The following SGCD variants were observed in gnomAD, a reference collection of about 807,000 sequenced individuals.
SGCD encodes delta-sarcoglycan.
SGCD carries 18 observed loss-of-function variants against 36.6 expected under a neutral mutation model. The observed-to-expected ratio is 0.49, with a 90% CI of 0.34 to 0.73. The LOEUF is 0.73. SGCD is among the 30% of genes least tolerant of loss of function. The pLI is 0.01. For synonymous variants in SGCD, 133 were observed against 130.6 expected, an observed-to-expected ratio of 1.02 and a Z score of -0.12; for missense variants, 387 against 346.7, an observed-to-expected ratio of 1.12 and a Z score of -0.92.
intron 3 of SGCD, among the ~76,000 whole-genome samples, chr5:156,449,408 G>A (rs1753896137): frequency 6.6e-6 from 1 of 152,054 alleles, no homozygotes; most frequent in Non-Finnish European, 1.5e-5. Context: ...TTCACTGCCT[G>A]AGAAATTCAG....
At chr5:156,499,343 C>T (rs1756349877) in intron 3 of SGCD, among the ~76,000 whole-genome samples, 1 of 152,030 alleles carries the variant, frequency 6.6e-6, no homozygotes, top group South Asian at 2.1e-4. Context: ...TTTTCTCTTG[C>T]AATTAGATAT....
chr5:155,820,504 A>T, the SGCD span, among the ~76,000 whole-genome samples: 1 of 151,986 alleles, frequency 6.6e-6, no homozygotes, highest in Non-Finnish European at 1.5e-5. Context: ...TACTAAAAAT[A>T]AAAAAATAAA....
intron 3 of SGCD, among the ~76,000 whole-genome samples, chr5:156,383,422 C>T (rs1330920924): frequency 1.3e-5 from 2 of 151,944 alleles, no homozygotes; most frequent in African/African-American, 2.4e-5. Flanking sequence ...GAGAATCACT[C>T]GAACCCAGTA....
the SGCD span, among the ~76,000 whole-genome samples, chr5:155,766,951 A>G: frequency 5.9e-5 from 9 of 152,030 alleles, no homozygotes; most frequent in African/African-American, 1.7e-4. Flanking sequence ...AAAGTGACCA[A>G]CCATGCTCTC....
intron 3 of SGCD, among the ~76,000 whole-genome samples, chr5:156,146,616 C>T (rs2127613088): frequency 6.6e-6 from 1 of 152,186 alleles, no homozygotes; most frequent in Non-Finnish European, 1.5e-5. Flanking sequence ...CATAGAAGAA[C>T]AAAGTTTGGA....
intron 1 of SGCD, among the ~76,000 whole-genome samples, chr5:155,898,377 T>G (rs919257451): frequency 2.0e-5 from 3 of 152,224 alleles, no homozygotes; most frequent in Non-Finnish European, 2.9e-5. Context: ...CCAACAGACT[T>G]TTATTTTCTC....
At chr5:156,731,101 A>G (rs1454883036) in intron 7 of SGCD, among the ~76,000 whole-genome samples, 1 of 151,712 alleles carries the variant, frequency 6.6e-6, no homozygotes, top group East Asian at 1.9e-4. Flanking sequence ...GTTTTTTTGC[A>G]TCTGACAAAG....
At chr5:155,799,973 C>G in the SGCD span, among the ~76,000 whole-genome samples, 1 of 151,640 alleles carries the variant, frequency 6.6e-6, no homozygotes, top group South Asian at 2.1e-4. Flanking sequence ...CATGCAACAC[C>G]ATGCCCAGCT....
At chr5:156,176,816 T>C (rs987261193) in intron 3 of SGCD, among the ~76,000 whole-genome samples, 2 of 152,206 alleles carry the variant, frequency 1.3e-5, no homozygotes, top group Admixed American at 1.3e-4. Flanking sequence ...TCTTCCAATG[T>C]CTACTCCATT....
At chr5:156,438,535 C>T (rs542202854) in intron 3 of SGCD, among the ~76,000 whole-genome samples, 57 of 152,190 alleles carry the variant, frequency 3.7e-4, no homozygotes, top group South Asian at 3.7e-3. Flanking sequence ...AAAAGAAACT[C>T]CACTTCAACT....
At chr5:156,640,836 A>T (rs1421145013) in intron 6 of SGCD, among the ~76,000 whole-genome samples, 1 of 152,196 alleles carries the variant, frequency 6.6e-6, no homozygotes, top group African/African-American at 2.4e-5. Flanking sequence ...ATGACTACAG[A>T]TGTTTTGCAT....
In SGCD at chr5:156,320,978, G is replaced by A. The variant is rs192465740; in HGVS notation, c.-43-8556G>A. ...GAAATGAACTCTCAAATGAAAGGCT[G>A]GCATCGTGCTACTGCCCTAATCATC... On this transcript the variant is annotated intron_variant, in intron 3 of 9. Transcript: ENST00000517913. Among the ~76,000 whole-genome samples, 20 of 152,266 alleles carry A rather than the reference G, an allele frequency of 1.3e-4. No individual in the cohort carries two copies. In the East Asian group the frequency reaches 3.9e-3, roughly 29 times the overall value.
intron 1 of SGCD, among the ~76,000 whole-genome samples, chr5:155,985,270 C>T (rs1348337409): frequency 6.6e-6 from 1 of 152,154 alleles, no homozygotes; most frequent in African/African-American, 2.4e-5. Context: ...TCATCTGCTT[C>T]TAGGCCCATT....
At position 156,755,817 on chromosome 5, in the gene SGCD, G is replaced by A. The variant is rs1250192078; in HGVS notation, c.576-1764G>A. On this transcript the variant is annotated intron_variant, in intron 7 of 8. Transcript: ENST00000337851. The stretch of plus-strand genomic sequence containing the variant: ...GTACTCCAGGACTATTGCTTCTCTT[G>A]ATGATTTTAGTTGAGTCATTGTAGG... Among the ~76,000 whole-genome samples the A allele has an allele frequency of 2.6e-5, 4 of 152,162 alleles. No homozygotes were observed. In the East Asian group the frequency reaches 7.7e-4, roughly 29 times the overall value.
chr5:155,791,979 G>T, the SGCD span, among the ~76,000 whole-genome samples: 3 of 152,066 alleles, frequency 2.0e-5, no homozygotes, highest in African/African-American at 7.2e-5. Context: ...AATAAGGTCA[G>T]AAATATCACA....
chr5:156,697,373 A>G (rs1754360749), intron 7 of SGCD, among the ~76,000 whole-genome samples: 1 of 152,172 alleles, frequency 6.6e-6, no homozygotes, highest in Admixed American at 6.5e-5. Flanking sequence ...ACTTAGAGAC[A>G]TTCTGCTCCC....
chr5:156,069,668 T>C (rs572438250), intron 1 of SGCD, among the ~76,000 whole-genome samples: 2 of 151,800 alleles, frequency 1.3e-5, no homozygotes, highest in East Asian at 1.9e-4. Flanking sequence ...AAGAAAGTCA[T>C]TGGTAGCTTG....
intron 3 of SGCD, among the ~76,000 whole-genome samples, chr5:156,288,180 A>G (rs1766664880): frequency 6.6e-6 from 1 of 152,150 alleles, no homozygotes. Flanking sequence ...AATTTGGTAG[A>G]ACTCTCGGGA....
At chr5:156,538,245 G>T (rs937887256) in intron 4 of SGCD, among the ~76,000 whole-genome samples, 5 of 152,258 alleles carry the variant, frequency 3.3e-5, no homozygotes. Context: ...GAATAGATAA[G>T]AAAACTGCAA....
Sources: gnomAD v4.1 joint callset for allele counts (sites outside exome capture counted in the v4.1 genomes callset) on GRCh38, gnomAD v4.1.1 for gene constraint, MANE v1.5 for transcripts, NCBI Gene and HGNC (gene_info 2026-07-23, HGNC 2026-07-21) for gene names.